The following CNTLN variants were observed in gnomAD, a reference collection of about 807,000 sequenced individuals.
CNTLN encodes the protein centlein, centrosomal protein.
A neutral mutation model predicts 180.0 loss-of-function variants in CNTLN; 212 were observed. That is an observed-to-expected ratio of 1.18 (90% CI 1.05 to 1.32). The LOEUF (loss-of-function observed/expected upper bound fraction) is 1.32, where lower values mean the gene tolerates loss of function less well. Among genes scored for constraint, CNTLN ranks in the 40% most tolerant of loss-of-function variants. The pLI, the probability that CNTLN is intolerant of heterozygous loss-of-function variation, is 0.00. For missense variants in CNTLN, 2,095 were observed against 1,610.9 expected (o/e 1.30, Z -5.14); for synonymous variants, 722 against 563.1 (o/e 1.28, Z -3.99).
rs531453192 is a variant in CNTLN, at chr9:17,380,558, G to A, written c.1988-7604G>A. Among the ~76,000 whole-genome samples, 3 of 152,256 alleles carry A rather than the reference G, an allele frequency of 2.0e-5. No individual in the cohort carries two copies. In the East Asian group the frequency reaches 5.8e-4, roughly 29 times the overall value. Reference sequence around the variant, plus strand: ...CGTACAACAAGTCTGGTTGGGGAGGGCAGCTTTCCCCCATGAGGTGTGCCA... The same window carrying A: ...CGTACAACAAGTCTGGTTGGGGAGGACAGCTTTCCCCCATGAGGTGTGCCA... On this transcript the variant is annotated intron_variant, in intron 13 of 25. Transcript: ENST00000380647.
intron 2 of CNTLN, among the ~76,000 whole-genome samples, chr9:17,203,579 C>A (rs1754494374): frequency 6.6e-6 from 1 of 151,968 alleles, no homozygotes; most frequent in African/African-American, 2.4e-5. Flanking sequence ...TTTTTTGAGA[C>A]AGAGTCTCAC....
chr9:17,254,786 A>G (rs1408821702), intron 5 of CNTLN, among the ~76,000 whole-genome samples: 1 of 151,608 alleles, frequency 6.6e-6, no homozygotes, highest in Non-Finnish European at 1.5e-5. Context: ...TTAAGATTTC[A>G]TATGAATTTT....
At chr9:17,298,385 G>C in intron 7 of CNTLN, 33 bp downstream of exon 7, 2 of 1,541,868 alleles carry the variant, frequency 1.3e-6, no homozygotes, top group Non-Finnish European at 1.7e-6. Flanking sequence ...AGATGTAAAT[G>C]TTTATGTATG....
At chr9:17,287,212 A>T (rs1342956503) in intron 6 of CNTLN, among the ~76,000 whole-genome samples, 1 of 151,736 alleles carries the variant, frequency 6.6e-6, no homozygotes, top group Non-Finnish European at 1.5e-5. Context: ...AGTTTTTAGC[A>T]TGAAGCGTTG....
intron 8 of CNTLN, among the ~76,000 whole-genome samples, chr9:17,323,349 T>G (rs1587655190): frequency 6.6e-6 from 1 of 152,216 alleles, no homozygotes; most frequent in Non-Finnish European, 1.5e-5. Flanking sequence ...TAATTAACAG[T>G]GATCCGATTT....
intron 13 of CNTLN, among the ~76,000 whole-genome samples, chr9:17,385,737 A>C (rs1825637146): frequency 6.6e-6 from 1 of 152,220 alleles, no homozygotes; most frequent in Non-Finnish European, 1.5e-5. Flanking sequence ...GTAGTATAAC[A>C]ATATTTACAT....
chr9:17,146,420 A>C lies in CNTLN; in HGVS notation c.449+3044A>C, dbSNP rs112975402. 1.5e-3 allele frequency among the ~76,000 whole-genome samples: 235 copies of C among 152,258 alleles called. 2 individuals are homozygous for C. Among genetic ancestry groups the C allele is most frequent in the African/African-American group, 5.5e-3 (228 of 41,540 alleles). On this transcript the variant is annotated intron_variant, in intron 2 of 25. Transcript: ENST00000380647. ...ATGATCTGAATGTTGGTGTCCCCCC[A>C]AAATTCGTATGTTGAACCCTAATAC...
At chr9:17,388,828 A>T (rs1026248286) in intron 14 of CNTLN, among the ~76,000 whole-genome samples, 15 of 147,184 alleles carry the variant, frequency 1.0e-4, no homozygotes, top group Non-Finnish European at 1.7e-4. Context: ...TAATAGTAAA[A>T]TACTGTTTTA....
At chr9:17,334,420 T>TACACACACAC (rs56376464) in intron 10 of CNTLN, among the ~76,000 whole-genome samples, 68 of 149,828 alleles carry the variant, frequency 4.5e-4, no homozygotes, top group African/African-American at 1.6e-3. Context: ...GCCAATAGAA[T>TACACACACAC]ACACACACAC....
intron 15 of CNTLN, among the ~76,000 whole-genome samples, chr9:17,407,929 C>G (rs1487723052): frequency 6.6e-6 from 1 of 151,722 alleles, no homozygotes; most frequent in African/African-American, 2.4e-5. Context: ...AGTTCGAGAC[C>G]AGCCTGACCA....
chr9:17,289,804 C>T (rs1829241730), intron 6 of CNTLN, among the ~76,000 whole-genome samples: 2 of 142,398 alleles, frequency 1.4e-5, no homozygotes, highest in South Asian at 5.0e-4. Flanking sequence ...ATCGCATGGG[C>T]TCCTGAGGCT....
intron 8 of CNTLN, among the ~76,000 whole-genome samples, chr9:17,312,738 A>C (rs1819285257): frequency 6.6e-6 from 1 of 151,988 alleles, no homozygotes; most frequent in African/African-American, 2.4e-5. Context: ...TCATAAAGCC[A>C]AGCATATTGT....
the CNTLN span, among the ~76,000 whole-genome samples, chr9:17,521,481 TC>T: frequency 3.0e-4 from 46 of 152,304 alleles, no homozygotes; most frequent in Non-Finnish European, 5.6e-4. Flanking sequence ...ATTCTTTTTT[TC>T]CCCCGAATTC....
intron 25 of CNTLN, among the ~76,000 whole-genome samples, chr9:17,490,830 C>A (rs1279702266): frequency 6.6e-6 from 1 of 152,008 alleles, no homozygotes; most frequent in Admixed American, 6.6e-5. Flanking sequence ...TTGCTTATTT[C>A]ACGTGTGTTG....
chr9:17,293,983 G>C (rs1377779017), intron 6 of CNTLN, among the ~76,000 whole-genome samples: 1 of 152,174 alleles, frequency 6.6e-6, no homozygotes, highest in Non-Finnish European at 1.5e-5. Context: ...CTGACTTCAA[G>C]AATGAAGCCA....
intron 13 of CNTLN, among the ~76,000 whole-genome samples, chr9:17,368,163 A>G (rs1219101851): frequency 2.6e-5 from 4 of 152,052 alleles, no homozygotes; most frequent in Non-Finnish European, 5.9e-5. Flanking sequence ...TGGCAAGCTG[A>G]CTGAAGAGCC....
At chr9:17,367,682 A>C (rs1236293688) in intron 13 of CNTLN, among the ~76,000 whole-genome samples, 1 of 152,070 alleles carries the variant, frequency 6.6e-6, no homozygotes, top group Non-Finnish European at 1.5e-5. Context: ...GGCGCTAGTT[A>C]GATTTATGAG....
intron 2 of CNTLN, among the ~76,000 whole-genome samples, chr9:17,210,935 A>G (rs1487660823): frequency 6.6e-6 from 1 of 151,964 alleles, no homozygotes; most frequent in Non-Finnish European, 1.5e-5. Context: ...GTTTGAGTTC[A>G]TTGTAGATTC....
intron 2 of CNTLN, among the ~76,000 whole-genome samples, chr9:17,221,766 C>G (rs1168388984): frequency 2.0e-5 from 3 of 151,980 alleles, no homozygotes; most frequent in African/African-American, 4.8e-5. Context: ...TTTGTTTTCT[C>G]TTTTCTCAAC....
Sources: gnomAD v4.1 joint callset for allele counts (sites outside exome capture counted in the v4.1 genomes callset) on GRCh38, gnomAD v4.1.1 for gene constraint, MANE v1.5 for transcripts, NCBI Gene and HGNC (gene_info 2026-07-23, HGNC 2026-07-21) for gene names.